The following IMPG1 variants were observed in gnomAD, a reference collection of about 807,000 sequenced individuals.
IMPG1 encodes the protein interphotoreceptor matrix proteoglycan of 150 kDa.
A neutral mutation model predicts 92.0 loss-of-function variants in IMPG1; 85 were observed. That is an observed-to-expected ratio of 0.92 (90% confidence interval 0.78 to 1.11). The LOEUF is 1.11. Ranked by LOEUF, IMPG1 falls within the 50% of genes least tolerant of loss-of-function variation. IMPG1 has a pLI of 0.00. For synonymous variants in IMPG1, 367 were observed against 334.1 expected (o/e 1.10, Z -1.08); for missense variants, 1,022 against 956.0 (o/e 1.07, Z -0.91).
chr6:75,943,411 T>C (rs1262675983), intron 14 of IMPG1, among the ~76,000 whole-genome samples: 1 of 152,132 alleles, frequency 6.6e-6, no homozygotes, highest in Admixed American at 6.6e-5. Flanking sequence ...CCACCAGCAC[T>C]GGGTTGTTAA....
intron 12 of IMPG1, among the ~76,000 whole-genome samples, chr6:75,971,468 T>C (rs1194681694): frequency 6.6e-6 from 1 of 151,508 alleles, no homozygotes; most frequent in Non-Finnish European, 1.5e-5. Flanking sequence ...TAAAGTATAA[T>C]AATAATAAAA....
At chr6:75,940,699 C>A (rs547749560) in intron 14 of IMPG1, among the ~76,000 whole-genome samples, 2 of 152,220 alleles carry the variant, frequency 1.3e-5, no homozygotes, top group Non-Finnish European at 1.5e-5. Flanking sequence ...TTTTAGACAG[C>A]CTGGCTTTAA....
intron 10 of IMPG1, among the ~76,000 whole-genome samples, chr6:76,004,340 A>T (rs975891713): frequency 2.0e-5 from 3 of 152,196 alleles, no homozygotes; most frequent in Admixed American, 2.0e-4. Context: ...CAAACTTTCA[A>T]CCTAAAGCCT....
intron 7 of IMPG1, among the ~76,000 whole-genome samples, chr6:76,015,036 T>C (rs1015365628): frequency 2.0e-5 from 3 of 152,198 alleles, no homozygotes; most frequent in African/African-American, 7.2e-5. Flanking sequence ...ACCTTATTAA[T>C]AATACTAAAT....
chr6:75,956,399 ATGCTCTGATGGTAGTC>A (rs751695307), intron 12 of IMPG1, among the ~76,000 whole-genome samples: 19 of 152,150 alleles, frequency 1.2e-4, no homozygotes, highest in Non-Finnish European at 2.6e-4. Flanking sequence ...TGTTTATAGT[ATGCTCTGATGGTAGTC>A]TGTATTTCTG....
intron 14 of IMPG1, among the ~76,000 whole-genome samples, chr6:75,936,519 G>A (rs1781748521): frequency 6.6e-6 from 1 of 152,188 alleles, no homozygotes; most frequent in Non-Finnish European, 1.5e-5. Flanking sequence ...GTGGAATTAA[G>A]TTAACAAGAG....
At chr6:75,974,208 G>A (rs1290210540) in intron 12 of IMPG1, among the ~76,000 whole-genome samples, 2 of 152,086 alleles carry the variant, frequency 1.3e-5, no homozygotes. Flanking sequence ...GCTTTCATAA[G>A]AATATTACAA....
chr6:75,946,844 C>T (rs528877448), intron 14 of IMPG1, among the ~76,000 whole-genome samples: 1 of 151,868 alleles, frequency 6.6e-6, no homozygotes, highest in African/African-American at 2.4e-5. Flanking sequence ...TTTTTCTTTC[C>T]TTAGAATGCT....
At chr6:75,994,613 AG>A (rs1189459178) in intron 12 of IMPG1, among the ~76,000 whole-genome samples, 2 of 152,220 alleles carry the variant, frequency 1.3e-5, no homozygotes, top group Non-Finnish European at 2.9e-5. Context: ...GAGCTTGGGC[AG>A]GGGAACTCCT....
intron 14 of IMPG1, among the ~76,000 whole-genome samples, chr6:75,942,684 C>T (rs565006682): frequency 4.6e-5 from 7 of 152,232 alleles, no homozygotes; most frequent in East Asian, 1.9e-4. Context: ...ATGGCTTACA[C>T]GCAAATATCC....
chr6:75,944,998 C>T (rs1781902106), intron 14 of IMPG1, among the ~76,000 whole-genome samples: 1 of 152,188 alleles, frequency 6.6e-6, no homozygotes, highest in Non-Finnish European at 1.5e-5. Context: ...GGTAGCTCAG[C>T]ATAAATGTGA....
At chr6:76,061,704 C>A (rs1355890565) in intron 1 of IMPG1, among the ~76,000 whole-genome samples, 1 of 152,056 alleles carries the variant, frequency 6.6e-6, no homozygotes, top group African/African-American at 2.4e-5. Context: ...GGTAAATTTT[C>A]TTTTTTCTCT....
intron 12 of IMPG1, among the ~76,000 whole-genome samples, chr6:75,959,788 A>C (rs1431793773): frequency 6.6e-6 from 1 of 152,196 alleles, no homozygotes; most frequent in Admixed American, 6.5e-5. Flanking sequence ...AGTGGATCTT[A>C]GCTTGCTGGG....
intron 12 of IMPG1, among the ~76,000 whole-genome samples, chr6:75,982,157 G>A (rs1224764298): frequency 6.6e-6 from 1 of 152,140 alleles, no homozygotes; most frequent in African/African-American, 2.4e-5. Context: ...TATATTGTAG[G>A]ATGAAGGTGG....
intron 12 of IMPG1, among the ~76,000 whole-genome samples, chr6:75,998,077 C>T (rs1344697055): frequency 6.6e-6 from 1 of 152,122 alleles, no homozygotes; most frequent in East Asian, 1.9e-4. Flanking sequence ...GGCACAAGAA[C>T]GTGACAATGA....
At chr6:75,981,471 G>T (rs1051904279) in intron 12 of IMPG1, among the ~76,000 whole-genome samples, 1 of 152,208 alleles carries the variant, frequency 6.6e-6, no homozygotes, top group African/African-American at 2.4e-5. Context: ...TATAGCTGAA[G>T]AACTTGTTAA....
chr6:76,063,087 A>C (rs1263249853), intron 1 of IMPG1, among the ~76,000 whole-genome samples: 1 of 151,878 alleles, frequency 6.6e-6, no homozygotes, highest in Non-Finnish European at 1.5e-5. Flanking sequence ...ACCTGTAGTC[A>C]CAGCTACTTG....
intron 9 of IMPG1, among the ~76,000 whole-genome samples, chr6:76,006,080 T>C (rs957149821): frequency 6.6e-6 from 1 of 152,118 alleles, no homozygotes; most frequent in Non-Finnish European, 1.5e-5. Flanking sequence ...CTGCCTGCTG[T>C]GGCCTCCCAA....
At chr6:76,047,951 A>G (rs1783974008) in intron 1 of IMPG1, among the ~76,000 whole-genome samples, 1 of 152,214 alleles carries the variant, frequency 6.6e-6, no homozygotes, top group Non-Finnish European at 1.5e-5. Flanking sequence ...AAGACCAGAA[A>G]AGAGATGGTT....
Sources: allele counts gnomAD v4.1 joint callset (sites outside exome capture counted in the v4.1 genomes callset), GRCh38; gene constraint gnomAD v4.1.1; transcripts MANE v1.5; gene names NCBI Gene and HGNC (gene_info 2026-07-23, HGNC 2026-07-21).